TVP23A: variants seen among roughly 807,000 people sequenced by gnomAD.
The protein encoded by TVP23A is Golgi apparatus membrane protein TVP23 homolog A.
A neutral mutation model predicts 31.7 loss-of-function variants in TVP23A; 21 were observed. The observed-to-expected ratio is 0.66, with a 90% CI of 0.47 to 0.95. The LOEUF is 0.95. Among genes scored for constraint, TVP23A ranks in the 40% least tolerant of loss-of-function variants. The pLI is 0.00. For synonymous variants in TVP23A, 104 were observed against 96.0 expected (o/e 1.08, Z -0.49); for missense variants, 279 against 255.6 (o/e 1.09, Z -0.62).
chr16:10,784,057 G>A (rs58307544), intron 2 of TVP23A, among the ~76,000 whole-genome samples: 2 of 152,114 alleles, frequency 1.3e-5, no homozygotes, highest in Admixed American at 6.5e-5. Context: ...TGGGCTAGGC[G>A]TGGTGGCTCA....
intron 7 of TVP23A, 166 bp from the exon 8 acceptor site, chr16:10,769,267 G>GTAT (rs1314451230): frequency 1.6e-6 from 1 of 606,784 alleles, no homozygotes; most frequent in African/African-American, 1.9e-5. Context: ...TAATCATTGA[G>GTAT]TATTTGTACA....
intron 2 of TVP23A, among the ~76,000 whole-genome samples, chr16:10,805,163 TGGG>T (rs1448481740): frequency 1.3e-5 from 2 of 151,872 alleles, no homozygotes; most frequent in Non-Finnish European, 2.9e-5. Flanking sequence ...TCCCAAGTAG[TGGG>T]GATTACAGGT....
At chr16:10,786,934 C>CA (rs34739793) in intron 2 of TVP23A, among the ~76,000 whole-genome samples, 1,769 of 135,362 alleles carry the variant, frequency 0.013, 34 homozygotes, top group African/African-American at 0.044. Flanking sequence ...AGCTGTGGTC[C>CA]AAAAAAAAAA....
intron 2 of TVP23A, among the ~76,000 whole-genome samples, chr16:10,817,334 G>A (rs140328120): frequency 9.7e-4 from 148 of 152,332 alleles, no homozygotes; most frequent in African/African-American, 3.5e-3. Context: ...ACAAGGAATG[G>A]CATTTGGGTG....
At chr16:10,813,153 T>G (rs547012080) in intron 2 of TVP23A, among the ~76,000 whole-genome samples, 1 of 152,168 alleles carries the variant, frequency 6.6e-6, no homozygotes. Context: ...CTGGCAGATG[T>G]TGAATAAATA....
At chr16:10,799,561 T>A (rs368826104) in intron 2 of TVP23A, among the ~76,000 whole-genome samples, 1 of 152,240 alleles carries the variant, frequency 6.6e-6, no homozygotes, top group Non-Finnish European at 1.5e-5. Flanking sequence ...CTCAGACTCC[T>A]GACCTCAGGT....
intron 2 of TVP23A, among the ~76,000 whole-genome samples, chr16:10,784,544 G>A (rs2032625368): frequency 6.7e-6 from 1 of 149,692 alleles, no homozygotes; most frequent in African/African-American, 2.5e-5. Context: ...CTGGGCAACA[G>A]AGCAAGACCT....
chr16:10,802,099 C>CAT (rs1424724340), intron 2 of TVP23A, among the ~76,000 whole-genome samples: 2 of 134,956 alleles, frequency 1.5e-5, no homozygotes, highest in African/African-American at 7.6e-5. Context: ...AACAAATACA[C>CAT]ATACACACAC....
Position 10,769,086 on chromosome 16 carries a change from A to G in TVP23A, c.*16T>C, listed in dbSNP as rs1252461554. ...TGTAATCTCCATCAGTCAAAAGAAG[A>G]GAACCTCATCAGTTCCTGAAACGAG... is the stretch of plus-strand genomic sequence containing the variant. On this transcript the variant is annotated 3_prime_UTR_variant, in exon 8 of 8. Coordinates refer to ENST00000299866, the MANE Select transcript of TVP23A (RefSeq NM_001079512.4). 2 of 1,614,102 alleles carry G rather than the reference A, an allele frequency of 1.2e-6. No homozygotes were observed. Among genetic ancestry groups the G allele is most frequent in the Non-Finnish European group, 1.7e-6 (2 of 1,180,014 alleles).
intron 2 of TVP23A, among the ~76,000 whole-genome samples, chr16:10,802,468 C>T (rs950060962): frequency 2.0e-5 from 3 of 151,734 alleles, no homozygotes; most frequent in South Asian, 2.1e-4. Context: ...TTAGTAGAGA[C>T]GGGGTTTTGC....
Position 10,768,074 on chromosome 16 carries a change from C to T in TVP23A, c.*1028G>A, listed in dbSNP as rs761688745. ...GTACTAAATGCAGATGCCTGTGGGG[C>T]AGGAAGCAACATAAAGGAGCCAGGG... is the stretch of plus-strand genomic sequence containing the variant. On this transcript the variant is annotated 3_prime_UTR_variant, in exon 8 of 8. Transcript: ENST00000299866. The surrounding 1 kb of genome is among the most constrained non-coding windows in gnomAD (Gnocchi z 4.3). The T allele has an allele frequency of 1.3e-6, 2 of 1,583,490 alleles. No homozygotes were observed. Among genetic ancestry groups the T allele is most frequent in the African/African-American group, 1.3e-5 (1 of 74,372 alleles).
Position 10,817,982 on chromosome 16 carries a change from AT to A in TVP23A, c.89+120del. The A allele has an allele frequency of 3.6e-6, 3 of 838,248 alleles. No individual in the cohort carries two copies. The South Asian group carries it at 4.7e-5, about 13-fold the overall frequency. 51.9% of individuals were successfully genotyped at this position (838,248 alleles called of 1,614,324 possible). A position where few individuals can be genotyped will look rare whatever the true frequency, so the allele number is the denominator to read the frequency against. On this transcript the variant is annotated intron_variant, in intron 2 of 7. Transcript: ENST00000299866. ...GACTTTGTCTGATGTGTCCACAGATATGTCCCCAGCCCCAGACCTGGCACAC... is the reference window on the plus strand; with the variant it reads ...GACTTTGTCTGATGTGTCCACAGATAGTCCCCAGCCCCAGACCTGGCACAC...
chr16:10,775,346 A>T, intron 2 of TVP23A: 1 of 1,307,514 alleles, frequency 7.6e-7, no homozygotes, highest in South Asian at 1.9e-5. Flanking sequence ...CCGCCACTTG[A>T]CTCCAAATAT....
chr16:10,813,891 C>G (rs2034312498), intron 2 of TVP23A, among the ~76,000 whole-genome samples: 2 of 149,134 alleles, frequency 1.3e-5, no homozygotes, highest in Non-Finnish European at 3.0e-5. Flanking sequence ...CCCAGCTACT[C>G]AGGAGGCTGA....
At chr16:10,782,988 C>T (rs2032514115) in intron 2 of TVP23A, among the ~76,000 whole-genome samples, 1 of 152,140 alleles carries the variant, frequency 6.6e-6, no homozygotes, top group African/African-American at 2.4e-5. Context: ...CCCAAACCCA[C>T]ACTCCAAAAA....
At chr16:10,790,279 A>ATTTTTT (rs376916439) in intron 2 of TVP23A, among the ~76,000 whole-genome samples, 7 of 114,528 alleles carry the variant, frequency 6.1e-5, no homozygotes, top group Admixed American at 1.0e-4. Context: ...TTGGGGTAAA[A>ATTTTTT]TTTTTTTTTT....
chr16:10,771,295 C>T (rs1442302925), intron 6 of TVP23A, among the ~76,000 whole-genome samples: 3 of 152,132 alleles, frequency 2.0e-5, no homozygotes, highest in Non-Finnish European at 4.4e-5. Context: ...AATCCCAGCA[C>T]TTTGGGAGGC....
chr16:10,781,421 G>T (rs919954091), intron 2 of TVP23A, among the ~76,000 whole-genome samples: 1 of 152,142 alleles, frequency 6.6e-6, no homozygotes, highest in African/African-American at 2.4e-5. Context: ...TCAAGGCAGG[G>T]AGAGTCCTGA....
At chr16:10,813,555 A>T (rs4781000) in intron 2 of TVP23A, among the ~76,000 whole-genome samples, 1 of 152,178 alleles carries the variant, frequency 6.6e-6, no homozygotes, top group East Asian at 1.9e-4. Context: ...ATCAGCATGG[A>T]CAACATAGCA....
Sources: gnomAD v4.1 joint callset for allele counts (sites outside exome capture counted in the v4.1 genomes callset) on GRCh38, gnomAD v4.1.1 for gene constraint, Gnocchi (gnomAD v3.1) non-coding constraint, MANE v1.5 for transcripts, NCBI Gene and HGNC (gene_info 2026-07-23, HGNC 2026-07-21) for gene names.